The following GABBR2 variants were observed in gnomAD, a reference collection of about 807,000 sequenced individuals.
GABBR2 encodes gamma-aminobutyric acid type B receptor subunit 2.
A neutral mutation model predicts 105.6 loss-of-function variants in GABBR2; 23 were observed. The observed-to-expected ratio is 0.22, with a 90% CI of 0.16 to 0.31. The LOEUF (loss-of-function observed/expected upper bound fraction) is 0.31. Ranked by LOEUF, GABBR2 falls within the 10% of genes least tolerant of loss-of-function variation. GABBR2 has a pLI of 1.00. For missense variants in GABBR2, 734 were observed against 1,245.5 expected, an observed-to-expected ratio of 0.59 and a Z score of 6.18; for synonymous variants, 478 against 499.7, an observed-to-expected ratio of 0.96 and a Z score of 0.58.
intron 3 of GABBR2, among the ~76,000 whole-genome samples, chr9:98,514,696 G>C (rs1827722879): frequency 6.6e-6 from 1 of 150,422 alleles, no homozygotes; most frequent in Non-Finnish European, 1.5e-5. Flanking sequence ...TATACCTAAT[G>C]CTAAATGACG....
intron 8 of GABBR2, among the ~76,000 whole-genome samples, chr9:98,400,625 G>T (rs1361954858): frequency 2.0e-5 from 3 of 152,208 alleles, no homozygotes; most frequent in African/African-American, 7.2e-5. Context: ...CTGGGTGTCC[G>T]TCCCAGGGGC....
At chr9:98,387,732 G>T (rs1832099274) in intron 10 of GABBR2, among the ~76,000 whole-genome samples, 1 of 151,798 alleles carries the variant, frequency 6.6e-6, no homozygotes, top group Non-Finnish European at 1.5e-5. Context: ...TTTGAGAAAA[G>T]CCTAGGCAGC....
chr9:98,345,363 C>T (rs887021160), intron 13 of GABBR2, among the ~76,000 whole-genome samples: 6 of 152,238 alleles, frequency 3.9e-5, no homozygotes, highest in Non-Finnish European at 5.9e-5. Context: ...CCCTAACAAT[C>T]TTAGCTCTGC....
chr9:98,357,762 C>T (rs1300540609), intron 13 of GABBR2, among the ~76,000 whole-genome samples: 1 of 152,112 alleles, frequency 6.6e-6, no homozygotes, highest in Non-Finnish European at 1.5e-5. Context: ...ATTGCCAGAG[C>T]CTTACAGGAC....
chr9:98,655,636 C>T (rs541357501), intron 1 of GABBR2, among the ~76,000 whole-genome samples: 5 of 152,304 alleles, frequency 3.3e-5, no homozygotes, highest in South Asian at 2.1e-4. Flanking sequence ...CATATACACA[C>T]CATGGAATAC....
At chr9:98,341,571 C>T (rs1200766978) in intron 13 of GABBR2, among the ~76,000 whole-genome samples, 1 of 152,208 alleles carries the variant, frequency 6.6e-6, no homozygotes, top group Non-Finnish European at 1.5e-5. Flanking sequence ...GAATTTGGCT[C>T]CAACTTTCTG....
Position 98,512,454 on chromosome 9 carries a change from G to A in GABBR2, c.631-15940C>T, listed in dbSNP as rs529798659. Among the ~76,000 whole-genome samples the A allele has an allele frequency of 2.8e-4, 42 of 151,906 alleles. No homozygotes were observed. In the East Asian group the frequency reaches 7.7e-3, roughly 28 times the overall value. On this transcript the variant is annotated intron_variant, in intron 3 of 18. Coordinates refer to ENST00000259455, the MANE Select transcript of GABBR2 (RefSeq NM_005458.8). Reference sequence around the variant, plus strand: ...AATAAAGGGTATTCAATTAGGAAAAGAGGAAGTCAAATTGTCCCTGTTTGC... The same window carrying A: ...AATAAAGGGTATTCAATTAGGAAAAAAGGAAGTCAAATTGTCCCTGTTTGC...
At chr9:98,356,191 C>T (rs762636395) in intron 13 of GABBR2, among the ~76,000 whole-genome samples, 2 of 152,018 alleles carry the variant, frequency 1.3e-5, no homozygotes, top group African/African-American at 2.4e-5. Context: ...GTAATAAGCT[C>T]GATTTCATTA....
At chr9:98,584,782 T>G (rs1829045592) in intron 1 of GABBR2, among the ~76,000 whole-genome samples, 2 of 152,094 alleles carry the variant, frequency 1.3e-5, no homozygotes, top group Admixed American at 1.3e-4. Flanking sequence ...GAAAGAGAAT[T>G]TAAAAGCTAA....
intron 7 of GABBR2, among the ~76,000 whole-genome samples, chr9:98,417,708 C>T (rs1010718749): frequency 6.6e-6 from 1 of 152,094 alleles, no homozygotes; most frequent in Non-Finnish European, 1.5e-5. Context: ...TCTAGAAGCT[C>T]CCAGTCTAAC....
intron 2 of GABBR2, among the ~76,000 whole-genome samples, chr9:98,554,217 C>T (rs1048978652): frequency 1.6e-4 from 24 of 151,940 alleles, no homozygotes; most frequent in Admixed American, 2.0e-4. Context: ...GAGAATTAGC[C>T]GGGCATGGTG....
At chr9:98,423,665 C>T (rs12237363) in intron 7 of GABBR2, among the ~76,000 whole-genome samples, 7,410 of 152,232 alleles carry the variant, frequency 0.049, 305 homozygotes, top group East Asian at 0.19. Flanking sequence ...GTGTTTTAGA[C>T]ATGAAGTCCT....
At chr9:98,472,088 TTTCC>T (rs1350890855) in intron 6 of GABBR2, among the ~76,000 whole-genome samples, 1 of 152,198 alleles carries the variant, frequency 6.6e-6, no homozygotes, top group African/African-American at 2.4e-5. Flanking sequence ...TACATATATT[TTTCC>T]TTATTATAAA....
intron 6 of GABBR2, among the ~76,000 whole-genome samples, chr9:98,470,897 T>C (rs1288628910): frequency 6.6e-6 from 1 of 152,194 alleles, no homozygotes; most frequent in African/African-American, 2.4e-5. Context: ...GTCCCAGCCC[T>C]GGACCTGTGA....
chr9:98,622,125 C>A (rs935112176), intron 1 of GABBR2, among the ~76,000 whole-genome samples: 6 of 152,150 alleles, frequency 3.9e-5, no homozygotes, highest in Admixed American at 1.3e-4. Flanking sequence ...CCACCTGCAA[C>A]TCACATATAT....
At chr9:98,565,314 T>C (rs1358687628) in intron 2 of GABBR2, among the ~76,000 whole-genome samples, 1 of 152,196 alleles carries the variant, frequency 6.6e-6, no homozygotes, top group Admixed American at 6.5e-5. Context: ...CCTGAGCACT[T>C]GCCTGGTTCC....
chr9:98,400,337 C>T (rs1832373292), intron 8 of GABBR2, among the ~76,000 whole-genome samples: 1 of 152,072 alleles, frequency 6.6e-6, no homozygotes, highest in Admixed American at 6.5e-5. Context: ...TATGATATTA[C>T]TTTATACTTT....
intron 8 of GABBR2, among the ~76,000 whole-genome samples, chr9:98,399,272 T>C (rs990152027): frequency 6.6e-6 from 1 of 150,540 alleles, no homozygotes; most frequent in Non-Finnish European, 1.5e-5. Context: ...GAGAATTGCT[T>C]GAACCTGGGA....
chr9:98,632,521 T>C (rs910923370), intron 1 of GABBR2, among the ~76,000 whole-genome samples: 3 of 152,070 alleles, frequency 2.0e-5, no homozygotes, highest in Admixed American at 2.0e-4. Flanking sequence ...ATGGTGAGAG[T>C]GACACTATGG....
Sources: allele counts gnomAD v4.1 joint callset (sites outside exome capture counted in the v4.1 genomes callset), GRCh38; gene constraint gnomAD v4.1.1; transcripts MANE v1.5; gene names NCBI Gene and HGNC (gene_info 2026-07-23, HGNC 2026-07-21).